The following DGKI variants were observed in gnomAD, a reference collection of about 807,000 sequenced individuals.
The protein encoded by DGKI is diacylglycerol kinase iota.
In DGKI, 55 loss-of-function variants were observed where a neutral mutation model predicts 147.5. The ratio of observed to expected loss-of-function variants is 0.37; its 90% CI spans 0.30 to 0.47. The LOEUF (loss-of-function observed/expected upper bound fraction) is 0.47. Among genes scored for constraint, DGKI ranks in the 20% least tolerant of loss-of-function variants. The probability of loss-of-function intolerance (pLI) is 1.00; values close to 1 mark genes in which losing one functional copy is unlikely to be tolerated. For missense variants in DGKI, 1,007 were observed against 1,323.8 expected, an observed-to-expected ratio of 0.76 and a Z score of 3.71; for synonymous variants, 469 against 477.1, an observed-to-expected ratio of 0.98 and a Z score of 0.22.
At chr7:137,701,514 C>T (rs1255070024) in intron 1 of DGKI, among the ~76,000 whole-genome samples, 3 of 152,060 alleles carry the variant, frequency 2.0e-5, no homozygotes, top group African/African-American at 7.2e-5. Context: ...AGTGTACAGA[C>T]ACTATATACA....
In DGKI at chr7:137,400,573, G is replaced by A. The variant is rs1471439760; in HGVS notation, c.2921-3160C>T. Among the ~76,000 whole-genome samples, 4 of 152,254 alleles carry A rather than the reference G, an allele frequency of 2.6e-5. No individual in the cohort carries two copies. The East Asian group carries it at 7.7e-4, about 29-fold the overall frequency. On this transcript the variant is annotated intron_variant, in intron 30 of 32. Transcript: ENST00000614521. Reference sequence around the variant, plus strand: ...AAGAAAGCTGTTCTTCACAATTTCTGACCAGAGTCACTACCCAGAATTATT... The same window carrying A: ...AAGAAAGCTGTTCTTCACAATTTCTAACCAGAGTCACTACCCAGAATTATT...
At chr7:137,678,511 T>C in intron 3 of DGKI, 46 bp downstream of exon 3, 2 of 1,587,932 alleles carry the variant, frequency 1.3e-6, no homozygotes, top group Non-Finnish European at 1.7e-6. Context: ...CCTCTATTCA[T>C]TCAGATCCAC....
At chr7:137,672,750 G>A (rs1318057404) in intron 3 of DGKI, among the ~76,000 whole-genome samples, 2 of 131,542 alleles carry the variant, frequency 1.5e-5, no homozygotes, top group African/African-American at 5.7e-5. Flanking sequence ...TTCTCTGTGT[G>A]TGTGTCTCTG....
chr7:137,591,250 T>C (rs1349484763), intron 12 of DGKI, among the ~76,000 whole-genome samples: 11 of 152,212 alleles, frequency 7.2e-5, no homozygotes, highest in African/African-American at 2.2e-4. Flanking sequence ...GATAAATAGA[T>C]TCTTTCTCCT....
chr7:137,478,449 T>A (rs1359846675), intron 23 of DGKI, among the ~76,000 whole-genome samples: 1 of 152,130 alleles, frequency 6.6e-6, no homozygotes, highest in Non-Finnish European at 1.5e-5. Context: ...ATAATAATAA[T>A]TGGAGTGTAA....
chr7:137,623,670 C>A, intron 6 of DGKI, 116 bp from the exon 7 acceptor site: 1 of 820,160 alleles, frequency 1.2e-6, no homozygotes, highest in Non-Finnish European at 2.1e-6. Flanking sequence ...TGTCACCCAC[C>A]ACTGGAGGTA....
intron 1 of DGKI, among the ~76,000 whole-genome samples, chr7:137,714,755 G>T (rs898428548): frequency 6.6e-6 from 1 of 152,132 alleles, no homozygotes. Context: ...TAGAAACAAA[G>T]TAACTACCTA....
At chr7:137,478,406 T>C (rs1485209615) in intron 23 of DGKI, among the ~76,000 whole-genome samples, 1 of 152,224 alleles carries the variant, frequency 6.6e-6, no homozygotes, top group Non-Finnish European at 1.5e-5. Flanking sequence ...GCATCACGTC[T>C]ATCTATACAC....
chr7:137,798,384 CA>C (rs1797098241), intron 1 of DGKI, among the ~76,000 whole-genome samples: 1 of 151,818 alleles, frequency 6.6e-6, no homozygotes, highest in Non-Finnish European at 1.5e-5. Flanking sequence ...CAAAGCATCG[CA>C]AAAAAGAAAA....
At chr7:137,819,810 T>C (rs571381660) in intron 1 of DGKI, among the ~76,000 whole-genome samples, 1 of 152,308 alleles carries the variant, frequency 6.6e-6, no homozygotes, top group African/African-American at 2.4e-5. Context: ...TGCACATGCA[T>C]GCTAGTGTCA....
chr7:137,478,502 C>T (rs1815256408), intron 23 of DGKI, among the ~76,000 whole-genome samples: 1 of 152,154 alleles, frequency 6.6e-6, no homozygotes, highest in Admixed American at 6.5e-5. Flanking sequence ...ACTGAATTTT[C>T]TCTAATTAGT....
intron 18 of DGKI, among the ~76,000 whole-genome samples, chr7:137,571,824 T>C (rs1033429454): frequency 3.3e-5 from 5 of 149,900 alleles, no homozygotes; most frequent in African/African-American, 1.2e-4. Flanking sequence ...GGAAGAAGAA[T>C]ACAGATGGAA....
intron 1 of DGKI, among the ~76,000 whole-genome samples, chr7:137,816,998 C>T (rs1242619528): frequency 1.3e-5 from 2 of 152,174 alleles, no homozygotes; most frequent in Non-Finnish European, 2.9e-5. Context: ...CAAAATCTCC[C>T]TCACTGAATA....
intron 28 of DGKI, among the ~76,000 whole-genome samples, chr7:137,432,663 T>C (rs1355770512): frequency 6.6e-6 from 1 of 152,188 alleles, no homozygotes; most frequent in Non-Finnish European, 1.5e-5. Context: ...TCATGGCTAA[T>C]ATGGAATAAA....
At chr7:137,592,993 AT>A (rs2128986257) in intron 12 of DGKI, among the ~76,000 whole-genome samples, 1 of 152,322 alleles carries the variant, frequency 6.6e-6, no homozygotes, top group South Asian at 2.1e-4. Context: ...AGGATGAGGG[AT>A]TGTCCCTATC....
At chr7:137,829,271 C>T (rs754353391) in intron 1 of DGKI, among the ~76,000 whole-genome samples, 1 of 152,196 alleles carries the variant, frequency 6.6e-6, no homozygotes, top group Admixed American at 6.5e-5. Context: ...AAGGATGATG[C>T]GGAACACCAA....
intron 7 of DGKI, among the ~76,000 whole-genome samples, chr7:137,622,965 A>G (rs1006697354): frequency 6.6e-6 from 1 of 152,216 alleles, no homozygotes; most frequent in Admixed American, 6.5e-5. Flanking sequence ...ATCCAAACCT[A>G]AAAAAGCATA....
intron 12 of DGKI, among the ~76,000 whole-genome samples, chr7:137,588,247 G>C (rs1255111456): frequency 6.6e-6 from 1 of 151,974 alleles, no homozygotes; most frequent in African/African-American, 2.4e-5. Flanking sequence ...TATCTTGCAG[G>C]CTCCCTCATT....
intron 6 of DGKI, 83 bp downstream of exon 6, chr7:137,645,389 T>C (rs1821788525): frequency 8.5e-7 from 1 of 1,170,368 alleles, no homozygotes; most frequent in Admixed American, 2.3e-5. Flanking sequence ...AACACTGGAT[T>C]TGGGGACAGG....
Sources: gnomAD v4.1 joint callset for allele counts (sites outside exome capture counted in the v4.1 genomes callset) on GRCh38, gnomAD v4.1.1 for gene constraint, MANE v1.5 for transcripts, NCBI Gene and HGNC (gene_info 2026-07-23, HGNC 2026-07-21) for gene names.